The following DSG4 variants were observed in gnomAD, a reference collection of about 807,000 sequenced individuals.
DSG4 encodes desmoglein-4.
DSG4 carries 87 observed loss-of-function variants against 93.1 expected under a neutral mutation model. The ratio of observed to expected loss-of-function variants is 0.93; its 90% CI spans 0.79 to 1.12. The LOEUF (loss-of-function observed/expected upper bound fraction) is 1.12. DSG4 is among the 50% of genes most tolerant of loss of function. DSG4 has a pLI of 0.00. For missense variants in DSG4, 1,373 were observed against 1,285.7 expected, an observed-to-expected ratio of 1.07 and a Z score of -1.04; for synonymous variants, 432 against 452.9, an observed-to-expected ratio of 0.95 and a Z score of 0.59.
chr18:31,408,815 A>C (rs988267553), intron 12 of DSG4, among the ~76,000 whole-genome samples: 12 of 152,234 alleles, frequency 7.9e-5, no homozygotes, highest in African/African-American at 2.7e-4. Context: ...AGAAAACTTA[A>C]GCAGTGTCTA....
chr18:31,386,970 A>C, intron 3 of DSG4, 151 bp downstream of exon 3: 1 of 1,330,388 alleles, frequency 7.5e-7, no homozygotes, highest in Non-Finnish European at 1.1e-6. Context: ...TGATTTGAAT[A>C]TCATGTGCAG....
Position 31,403,527 on chromosome 18 carries a change from C to T in DSG4, c.1529C>T (p.Ser510Leu), listed in dbSNP as rs952771528. ...ERRTICIDSP[S>L]VLISVNEHSY... Reference sequence around the variant, plus strand: ...AGAACCATCTGCATTGACTCTCCATCAGTCCTTATCTCTGTTAATGAACAT... The same window carrying T: ...AGAACCATCTGCATTGACTCTCCATTAGTCCTTATCTCTGTTAATGAACAT... Residue 510 changes from serine to leucine, a missense_variant, in exon 11 of 16, where the codon TCA becomes TTA. Transcript: ENST00000308128. 6.2e-7 allele frequency: 1 copy of T among 1,613,954 alleles called. No homozygotes were observed. Among genetic ancestry groups the T allele is most frequent in the African/African-American group, 1.3e-5 (1 of 74,924 alleles).
chr18:31,396,309 A>T (rs2072304339), intron 8 of DSG4, among the ~76,000 whole-genome samples: 1 of 143,514 alleles, frequency 7.0e-6, no homozygotes, highest in Non-Finnish European at 1.5e-5. Flanking sequence ...CACATATATT[A>T]TCTCATTTAA....
intron 6 of DSG4, 49 bp from the exon 7 acceptor site, chr18:31,391,029 C>A (rs780859407): frequency 6.2e-7 from 1 of 1,609,262 alleles, no homozygotes; most frequent in Non-Finnish European, 8.5e-7. Context: ...GCATTGGATT[C>A]TATTCAAGAC....
At chr18:31,377,070 A>G in intron 1 of DSG4, 111 bp downstream of exon 1, 2 of 1,201,386 alleles carry the variant, frequency 1.7e-6, no homozygotes, top group Non-Finnish European at 2.4e-6. Context: ...CCTTCCTGCA[A>G]AGAGAGTTCT....
At position 31,414,530 on chromosome 18, in the gene DSG4, G is replaced by T. The variant is rs909320359; in HGVS notation, c.*935G>T. ...TTACTTAGAAGCAACTAGGTGTTGGGTGCTAGTCTTGGCTCTGTGAATATA... is the reference window on the plus strand; with the variant it reads ...TTACTTAGAAGCAACTAGGTGTTGGTTGCTAGTCTTGGCTCTGTGAATATA... On this transcript the variant is annotated 3_prime_UTR_variant, in exon 16 of 16. Coordinates refer to ENST00000308128, the MANE Select transcript of DSG4 (RefSeq NM_177986.5). The T allele has an allele frequency of 6.6e-6, 1 of 152,186 alleles. No homozygotes were observed. The highest frequency in any genetic ancestry group is 1.5e-5 in the Non-Finnish European group (1 of 68,032). The allele number at this position is 152,186 out of a possible 1,614,324, so 9.4% of individuals were successfully genotyped here.
At chr18:31,382,820 C>G (rs551586854) in intron 1 of DSG4, among the ~76,000 whole-genome samples, 2 of 152,086 alleles carry the variant, frequency 1.3e-5, no homozygotes, top group African/African-American at 4.8e-5. Flanking sequence ...AGATGAAAAC[C>G]CTGGGTCCTA....
At chr18:31,388,789 CT>C in intron 4 of DSG4, 84 bp from the exon 5 acceptor site, 1 of 1,600,792 alleles carries the variant, frequency 6.2e-7, no homozygotes, top group Non-Finnish European at 8.5e-7. Context: ...AAAATTGTTT[CT>C]TTGCCTATTT....
chr18:31,394,748 C>G (rs151083673), intron 8 of DSG4, among the ~76,000 whole-genome samples: 1 of 150,166 alleles, frequency 6.7e-6, no homozygotes, highest in East Asian at 2.0e-4. Flanking sequence ...AATAGAGGAA[C>G]AAGAGGTCAC....
In DSG4 at chr18:31,412,961, A is replaced by G; in HGVS notation, c.2489A>G (p.Glu830Gly). The stretch of plus-strand genomic sequence containing the variant: ...AGTTGGATTGTGGATGACTTAGATG[A>G]AAGCTGCATGGAAACTTTAGATCCA... ...CCSWIVDDLD[E>G]SCMETLDPKF... Residue 830 changes from glutamate to glycine, a missense_variant, in exon 16 of 16, where the codon GAA (glutamate) becomes GGA (glycine). Glu to Gly is a moderately conservative substitution (Grantham distance 98). Coordinates refer to ENST00000308128, the MANE Select transcript of DSG4 (RefSeq NM_177986.5). The G allele has an allele frequency of 6.2e-7, 1 of 1,614,190 alleles. No individual in the cohort carries two copies. The highest frequency in any genetic ancestry group is 1.1e-5 in the South Asian group (1 of 91,086).
intron 4 of DSG4, 107 bp downstream of exon 4, chr18:31,388,629 G>T: frequency 6.8e-7 from 1 of 1,461,220 alleles, no homozygotes; most frequent in African/African-American, 1.4e-5. Context: ...ATGGCAGACT[G>T]AACCCAAATA....
intron 11 of DSG4, among the ~76,000 whole-genome samples, chr18:31,405,505 C>A (rs1426327714): frequency 6.6e-6 from 1 of 151,708 alleles, no homozygotes; most frequent in African/African-American, 2.4e-5. Flanking sequence ...AAGGTCCTTG[C>A]CTGCATTATA....
chr18:31,399,181 T>G (rs2072336692), intron 8 of DSG4, 91 bp from the exon 9 acceptor site: 4 of 1,535,526 alleles, frequency 2.6e-6, no homozygotes, highest in Non-Finnish European at 3.6e-6. Context: ...TGGACCTTAT[T>G]CTAGTGTGTG....
intron 11 of DSG4, among the ~76,000 whole-genome samples, chr18:31,404,784 C>T (rs1003107543): frequency 1.8e-4 from 27 of 152,170 alleles, no homozygotes; most frequent in African/African-American, 6.5e-4. Context: ...TCTGAATTCA[C>T]CATCTCCTAT....
chr18:31,377,999 G>T (rs2072095342), intron 1 of DSG4, among the ~76,000 whole-genome samples: 1 of 152,152 alleles, frequency 6.6e-6, no homozygotes, highest in Non-Finnish European at 1.5e-5. Context: ...GCACGTCATT[G>T]TCCAAGAGGC....
chr18:31,410,062 A>C (rs1209427971), intron 14 of DSG4, among the ~76,000 whole-genome samples: 1 of 152,206 alleles, frequency 6.6e-6, no homozygotes, highest in Non-Finnish European at 1.5e-5. Flanking sequence ...CAGCTCTGCC[A>C]CTTGCTTAAG....
rs781550062 is a variant in DSG4 at position 31,409,567 on chromosome 18, T to C, written c.2049T>C (p.Ile683=). 1.2e-6 allele frequency: 2 copies of C among 1,614,178 alleles called. No individual in the cohort carries two copies. The highest frequency in any genetic ancestry group is 1.7e-6 in the Non-Finnish European group (2 of 1,180,032). Residue 683 remains isoleucine (I), a synonymous_variant, in exon 13 of 16, where the codon ATT becomes ATC. Coordinates refer to ENST00000308128, the MANE Select transcript of DSG4 (RefSeq NM_177986.5). The part of the protein sequence containing the change: ...GGEGVMQSWR[I]EGAHPEDRDV... ...AAGGAGTGATGCAGTCTTGGAGAAT[T>C]GAAGGGGCCCATCCCGAGGACAGGG...
At chr18:31,378,262 T>A (rs2072098429) in intron 1 of DSG4, among the ~76,000 whole-genome samples, 1 of 152,316 alleles carries the variant, frequency 6.6e-6, no homozygotes, top group Admixed American at 6.5e-5. Context: ...CTAAATAAAA[T>A]AAATGTTACT....
intron 8 of DSG4, among the ~76,000 whole-genome samples, chr18:31,392,912 A>C (rs2072265147): frequency 6.6e-6 from 1 of 152,226 alleles, no homozygotes. Flanking sequence ...GGAAGTAATC[A>C]GAAGTCAGAT....
Sources: gnomAD v4.1 joint callset for allele counts (sites outside exome capture counted in the v4.1 genomes callset) on GRCh38, gnomAD v4.1.1 for gene constraint, MANE v1.5 for transcripts, NCBI Gene and HGNC (gene_info 2026-07-23, HGNC 2026-07-21) for gene names.